The following USP34 variants were observed in gnomAD, a reference collection of about 807,000 sequenced individuals.
USP34 encodes the protein ubiquitin specific peptidase 34, also known as ubiquitin carboxyl-terminal hydrolase 34.
Under a neutral mutation model 460.3 loss-of-function variants are expected in USP34, and 70 were observed. That is an observed-to-expected ratio of 0.15 (90% CI 0.13 to 0.19). The LOEUF is 0.19. Among genes scored for constraint, USP34 ranks in the 10% least tolerant of loss-of-function variants. The pLI, the probability that USP34 is intolerant of heterozygous loss-of-function variation, is 1.00. For synonymous variants in USP34, 1,647 were observed against 1,405.3 expected, an observed-to-expected ratio of 1.17 and a Z score of -3.85; for missense variants, 3,985 against 4,236.2, an observed-to-expected ratio of 0.94 and a Z score of 1.65.
At chr2:61,447,331 G>A (rs892663031) in intron 1 of USP34, among the ~76,000 whole-genome samples, 22 of 145,342 alleles carry the variant, frequency 1.5e-4, no homozygotes, top group Non-Finnish European at 2.4e-4. Context: ...AATCTGTTAA[G>A]TATTGGGCAC....
intron 12 of USP34, 34 bp from the exon 13 acceptor site, chr2:61,349,319 T>C (rs1438902238): frequency 1.2e-6 from 2 of 1,604,406 alleles, no homozygotes; most frequent in East Asian, 2.2e-5. Flanking sequence ...AGAAAAACAT[T>C]CTAAGTGACT....
intron 67 of USP34, 52 bp from the exon 68 acceptor site, chr2:61,214,746 T>C: frequency 6.4e-7 from 1 of 1,567,400 alleles, no homozygotes; most frequent in Non-Finnish European, 8.6e-7. Flanking sequence ...TAAAATAGAC[T>C]GAACAGCAGT....
At chr2:61,426,484 G>A (rs774924004) in intron 1 of USP34, among the ~76,000 whole-genome samples, 2 of 152,062 alleles carry the variant, frequency 1.3e-5, no homozygotes, top group Non-Finnish European at 2.9e-5. Context: ...TGGGGGTGGC[G>A]GTGGCTACGA....
intron 27 of USP34, among the ~76,000 whole-genome samples, chr2:61,309,062 C>T (rs1225488505): frequency 6.6e-6 from 1 of 151,972 alleles, no homozygotes; most frequent in Non-Finnish European, 1.5e-5. Flanking sequence ...ACAACAACAA[C>T]AAAAGATACA....
chr2:61,459,550 G>A (rs371045693), intron 1 of USP34, among the ~76,000 whole-genome samples: 13 of 149,986 alleles, frequency 8.7e-5, no homozygotes, highest in East Asian at 7.9e-4. Context: ...CAAGACGGGC[G>A]GATCACTTCA....
In USP34 at chr2:61,229,631, C is replaced by T; in HGVS notation, c.7116G>A (p.Met2372Ile). 1 of 1,610,878 alleles carries T rather than the reference C, an allele frequency of 6.2e-7. No homozygotes were observed. The highest frequency in any genetic ancestry group is 8.5e-7 in the Non-Finnish European group (1 of 1,178,934). Residue 2372 changes from methionine to isoleucine, a missense_variant and splice_region_variant, in exon 59 of 80, where the codon ATG (methionine) becomes ATA (isoleucine). Around this residue, in one of 14 missense-constraint regions of USP34, gnomAD observed 604 missense variants for 684.8 expected, o/e 0.88. Transcript: ENST00000398571. ...IKCPNQIVRQMFQRLCIHVIQ... is the reference protein window; with the variant it reads ...IKCPNQIVRQIFQRLCIHVIQ... Reference sequence around the variant, plus strand: ...TCACATGGATACACAAACGCTGAAACATCTGTGAAGAAAGAAAAAGATCAA... The same window carrying T: ...TCACATGGATACACAAACGCTGAAATATCTGTGAAGAAAGAAAAAGATCAA...
chr2:61,350,811 T>C (rs1310062416), intron 10 of USP34, 118 bp from the exon 11 acceptor site: 1 of 1,055,360 alleles, frequency 9.5e-7, no homozygotes, highest in Non-Finnish European at 1.3e-6. Flanking sequence ...TTTTTTAATA[T>C]GACGGTAAAA....
intron 5 of USP34, among the ~76,000 whole-genome samples, chr2:61,384,343 G>C (rs1483142302): frequency 6.6e-6 from 1 of 152,082 alleles, no homozygotes; most frequent in African/African-American, 2.4e-5. Context: ...AAAAAACTCT[G>C]ATACTGAGTC....
chr2:61,269,219 G>C (rs1689142101), intron 41 of USP34, among the ~76,000 whole-genome samples: 2 of 152,070 alleles, frequency 1.3e-5, no homozygotes, highest in East Asian at 1.9e-4. Flanking sequence ...TAGCGACAGT[G>C]GTGGGATCAT....
chr2:61,408,324 G>A (rs1693941196), intron 2 of USP34, among the ~76,000 whole-genome samples: 1 of 151,940 alleles, frequency 6.6e-6, no homozygotes, highest in African/African-American at 2.4e-5. Context: ...GAAACTTTGA[G>A]GATAATAAAT....
intron 3 of USP34, among the ~76,000 whole-genome samples, chr2:61,396,033 G>T (rs1693513017): frequency 1.3e-5 from 2 of 150,770 alleles, no homozygotes; most frequent in African/African-American, 2.4e-5. Context: ...CTCCATCCTG[G>T]GTGACAGAGC....
intron 1 of USP34, among the ~76,000 whole-genome samples, chr2:61,443,258 A>G (rs1695016956): frequency 6.6e-6 from 1 of 152,164 alleles, no homozygotes. Context: ...ATAATACATT[A>G]TATAGATTCA....
At position 61,236,497 on chromosome 2, in the gene USP34, A is replaced by G. The variant is rs1289652921; in HGVS notation, c.6778-108T>C. On this transcript the variant is annotated intron_variant, in intron 53 of 79. Coordinates refer to ENST00000398571, the MANE Select transcript of USP34 (RefSeq NM_014709.4). ...CTTCTAAAAAACCACAAAATAAAAT[A>G]AAATCCATGCACTTTAAGTTCATTT... 16 of 783,104 alleles carry G rather than the reference A, an allele frequency of 2.0e-5. No individual in the cohort carries two copies. The South Asian group carries it at 3.6e-4, about 18-fold the overall frequency. 48.5% of individuals were successfully genotyped at this position (783,104 alleles called of 1,614,324 possible).
chr2:61,447,872 C>A (rs900434129), intron 1 of USP34, among the ~76,000 whole-genome samples: 3 of 152,114 alleles, frequency 2.0e-5, no homozygotes, highest in African/African-American at 4.8e-5. Flanking sequence ...CGCGCCACCA[C>A]ACCAAACTAA....
At position 61,280,326 on chromosome 2, in the gene USP34, G is replaced by T; in HGVS notation, c.5174C>A (p.Pro1725Gln). The stretch of plus-strand genomic sequence containing the variant: ...CTCTTTACATCCTGGTTTTAATATT[G>T]GTTCTTCCTCATAATCATCTATCTA... ...PIRIDDYEEE[P>Q]ILKPGCKEYF... The change falls in exon 39 of 80, where the codon CCA becomes CAA. Residue 1725 changes from proline (P) to glutamine (Q), a missense_variant. This residue lies in a region of USP34 where 1,114 missense variants were observed against 1,122.5 expected (regional missense o/e 0.99). Coordinates refer to ENST00000398571, the MANE Select transcript of USP34 (RefSeq NM_014709.4). 1 of 1,530,300 alleles carries T rather than the reference G, an allele frequency of 6.5e-7. No individual in the cohort carries two copies. Among genetic ancestry groups the T allele is most frequent in the South Asian group, 1.4e-5 (1 of 73,366 alleles). 94.8% of individuals were successfully genotyped at this position (1,530,300 alleles called of 1,614,324 possible).
At chr2:61,262,834 C>G (rs1032160469) in intron 43 of USP34, among the ~76,000 whole-genome samples, 1 of 152,136 alleles carries the variant, frequency 6.6e-6, no homozygotes, top group Admixed American at 6.5e-5. Context: ...TTTACAACAT[C>G]GCCAGCATCA....
Position 61,378,374 on chromosome 2 carries a change from C to T in USP34, c.1065G>A (p.Ser355=), listed in dbSNP as rs372897953. 1.0e-5 allele frequency: 16 copies of T among 1,591,496 alleles called. No homozygotes were observed. Among genetic ancestry groups the T allele is most frequent in the South Asian group, 5.8e-5 (5 of 85,970 alleles). ...ATGCTCCTACTTACGTTTCTGTGTC[C>T]GATACTAATGATTCATTATTGCACA... The part of the protein sequence containing the change: ...NDVCNNESLV[S]DTETSIAKEL... Residue 355 remains serine, a synonymous_variant, in exon 8 of 80, where the codon TCG becomes TCA. Coordinates refer to ENST00000398571, the MANE Select transcript of USP34 (RefSeq NM_014709.4).
intron 1 of USP34, among the ~76,000 whole-genome samples, chr2:61,457,635 G>T (rs529216966): frequency 6.6e-6 from 1 of 152,308 alleles, no homozygotes; most frequent in African/African-American, 2.4e-5. Context: ...GGCTGAGGCG[G>T]GAGAATCACT....
intron 49 of USP34, among the ~76,000 whole-genome samples, chr2:61,247,194 T>C (rs756901943): frequency 6.6e-6 from 1 of 152,154 alleles, no homozygotes; most frequent in Non-Finnish European, 1.5e-5. Context: ...AGATGATGTA[T>C]GATTTATGAT....
Sources: gnomAD v4.1 joint callset for allele counts (sites outside exome capture counted in the v4.1 genomes callset) on GRCh38, gnomAD v4.1.1 for gene constraint, gnomAD v4.1.1 regional missense constraint, MANE v1.5 for transcripts, NCBI Gene and HGNC (gene_info 2026-07-23, HGNC 2026-07-21) for gene names.